Variants in GLRA2 observed in about 807,000 individuals in gnomAD.
The protein encoded by GLRA2 is glycine receptor alpha 2.
A neutral mutation model predicts 31.6 loss-of-function variants in GLRA2; 11 were observed. That is an observed-to-expected ratio of 0.35 (90% confidence interval 0.22 to 0.58). The LOEUF is 0.58. Ranked by LOEUF, GLRA2 falls within the 20% of genes least tolerant of loss-of-function variation. The pLI is 0.84. For missense variants in GLRA2, 212 were observed against 351.8 expected (o/e 0.60, Z 3.18); for synonymous variants, 132 against 134.0 (o/e 0.99, Z 0.10).
intron 7 of GLRA2, among the ~76,000 whole-genome samples, chrX:14,631,314 T>C (rs1389834267): frequency 9.0e-6 from 1 of 111,323 alleles, no homozygotes; most frequent in Admixed American, 9.6e-5. Flanking sequence ...TTTTTGAACA[T>C]ATAGAATGTA....
chrX:14,541,204 T>A (rs2089399201), intron 2 of GLRA2, among the ~76,000 whole-genome samples: 2 of 111,483 alleles, frequency 1.8e-5, no homozygotes, highest in Admixed American at 1.9e-4. Context: ...TGAGATAAAT[T>A]CTTTCCCTTC....
At chrX:14,645,045 G>A (rs1266722071) in intron 7 of GLRA2, among the ~76,000 whole-genome samples, 1 of 111,809 alleles carries the variant, frequency 8.9e-6, no homozygotes, top group African/African-American at 3.3e-5. Flanking sequence ...ATGGTAGCAC[G>A]AATAAAATTG....
At chrX:14,512,046 T>G in the GLRA2 span, among the ~76,000 whole-genome samples, 1 of 111,761 alleles carries the variant, frequency 8.9e-6, no homozygotes, top group Non-Finnish European at 1.9e-5. Context: ...TATACATGTT[T>G]TTTGAAAAGC....
intron 7 of GLRA2, among the ~76,000 whole-genome samples, chrX:14,635,292 C>T (rs996001574): frequency 2.7e-5 from 3 of 111,459 alleles, no homozygotes; most frequent in Non-Finnish European, 3.8e-5. Flanking sequence ...AGAAAAACAC[C>T]AAGCAGTTAG....
chrX:14,509,960 T>C, the GLRA2 span, among the ~76,000 whole-genome samples: 1 of 111,610 alleles, frequency 9.0e-6, no homozygotes, highest in African/African-American at 3.3e-5. Flanking sequence ...AGGTGACAAA[T>C]AGCAAAGTGA....
the GLRA2 span, among the ~76,000 whole-genome samples, chrX:14,523,519 C>T: frequency 2.7e-5 from 3 of 112,231 alleles, no homozygotes; most frequent in Non-Finnish European, 5.6e-5. Context: ...TAACTTTTGG[C>T]CTATCTCAGC....
intron 7 of GLRA2, among the ~76,000 whole-genome samples, chrX:14,674,256 T>C (rs763695058): frequency 8.9e-6 from 1 of 112,376 alleles, no homozygotes; most frequent in South Asian, 3.7e-4. Flanking sequence ...CCCCATGATA[T>C]ACAGGAGTGC....
At chrX:14,485,366 A>G in the GLRA2 span, among the ~76,000 whole-genome samples, 13 of 112,475 alleles carry the variant, frequency 1.2e-4, no homozygotes, top group African/African-American at 4.2e-4. Context: ...TGTGTACTTT[A>G]CATGTATTCC....
At chrX:14,490,909 G>A in the GLRA2 span, among the ~76,000 whole-genome samples, 1 of 111,623 alleles carries the variant, frequency 9.0e-6, no homozygotes, top group African/African-American at 3.3e-5. Flanking sequence ...CACACACTCT[G>A]CACATAAGAA....
At chrX:14,705,050 A>G (rs1027136769) in intron 8 of GLRA2, among the ~76,000 whole-genome samples, 1 of 112,388 alleles carries the variant, frequency 8.9e-6, no homozygotes, top group African/African-American at 3.2e-5. Flanking sequence ...TTATCTTAGA[A>G]TGTTAACTGT....
the GLRA2 span, among the ~76,000 whole-genome samples, chrX:14,507,686 A>ATTATTTTTTTTTTTT: frequency 1.8e-5 from 1 of 56,053 alleles, no homozygotes; most frequent in African/African-American, 6.3e-5. Context: ...TACGAAAGAC[A>ATTATTTTTTTTTTTT]TTCTTTTTTT....
chrX:14,575,963 A>T (rs1569500297), intron 3 of GLRA2, among the ~76,000 whole-genome samples: 1 of 111,168 alleles, frequency 9.0e-6, no homozygotes, highest in African/African-American at 3.3e-5. Context: ...TAAAGTTTAC[A>T]ACCATTCATT....
intron 3 of GLRA2, 48 bp from the exon 4 acceptor site, chrX:14,581,135 C>A: frequency 1.3e-6 from 1 of 761,264 alleles, no homozygotes; most frequent in Non-Finnish European, 2.1e-6. Flanking sequence ...GCAAATAGAA[C>A]TCCTGTGCCA....
chrX:14,529,546 A>G lies in GLRA2; in HGVS notation c.-512A>G. On this transcript the variant is annotated 5_prime_UTR_variant, in exon 1 of 9. Transcript: ENST00000218075. ...TAAGATCACGTCTCCGTCTCATTCT[A>G]TAGCCCTCATTCCAGCACAGGATCT... 1 of 121,188 alleles carries G rather than the reference A, an allele frequency of 8.3e-6. No individual in the cohort carries two copies. The highest frequency in any genetic ancestry group is 1.7e-5 in the Non-Finnish European group (1 of 59,849). The allele number at this position is 121,188 out of a possible 1,213,427, so 10.0% of individuals were successfully genotyped here.
chrX:14,587,917 T>C (rs2090098431), intron 4 of GLRA2, among the ~76,000 whole-genome samples: 1 of 110,027 alleles, frequency 9.1e-6, no homozygotes, highest in Non-Finnish European at 1.9e-5. Context: ...TTTTTTTTTT[T>C]TTTCTTTTGA....
rs1329777991 is a variant in GLRA2, at chrX:14,725,783, T to A, written c.1081-4424T>A. 2.7e-5 allele frequency among the ~76,000 whole-genome samples: 3 copies of A among 112,128 alleles called. No individual in the cohort carries two copies. In the East Asian group the frequency reaches 8.4e-4, roughly 31 times the overall value. Reference sequence around the variant, plus strand: ...TTTTACAATAAGTAAAACTGATGCATAAAATACATAAAATTAGATAATAAA... The same window carrying A: ...TTTTACAATAAGTAAAACTGATGCAAAAAATACATAAAATTAGATAATAAA... On this transcript the variant is annotated intron_variant, in intron 8 of 8. Coordinates refer to ENST00000218075, the MANE Select transcript of GLRA2 (RefSeq NM_002063.4).
chrX:14,493,610 TAC>T, the GLRA2 span, among the ~76,000 whole-genome samples: 11 of 101,443 alleles, frequency 1.1e-4, no homozygotes, highest in Non-Finnish European at 3.9e-5. Context: ...TATACACATA[TAC>T]ACATATATAC....
At chrX:14,644,921 C>G (rs977595485) in intron 7 of GLRA2, among the ~76,000 whole-genome samples, 1 of 111,848 alleles carries the variant, frequency 8.9e-6, no homozygotes, top group African/African-American at 3.2e-5. Flanking sequence ...CTTTCTAGTG[C>G]TGAACTCTAG....
At chrX:14,512,723 C>T in the GLRA2 span, among the ~76,000 whole-genome samples, 4 of 111,592 alleles carry the variant, frequency 3.6e-5, no homozygotes, top group East Asian at 1.1e-3. Flanking sequence ...TGAAAGACCT[C>T]TACAAGGAAA....
Sources: allele counts gnomAD v4.1 joint callset (sites outside exome capture counted in the v4.1 genomes callset), GRCh38; gene constraint gnomAD v4.1.1; transcripts MANE v1.5; gene names NCBI Gene and HGNC (gene_info 2026-07-23, HGNC 2026-07-21).